The following MYPN variants were observed in gnomAD, a reference collection of about 807,000 sequenced individuals.
MYPN encodes the protein myopalladin, also known as sarcomeric protein myopalladin, 145 kDa (MYOP).
Under a neutral mutation model 129.4 loss-of-function variants are expected in MYPN, and 63 were observed. The observed-to-expected ratio is 0.49, with a 90% confidence interval of 0.40 to 0.60. The LOEUF (loss-of-function observed/expected upper bound fraction) is 0.60. Among genes scored for constraint, MYPN ranks in the 20% least tolerant of loss-of-function variants. MYPN has a pLI of 0.00. For missense variants in MYPN, 1,596 were observed against 1,635.4 expected, an observed-to-expected ratio of 0.98 and a Z score of 0.42; for synonymous variants, 629 against 600.9, an observed-to-expected ratio of 1.05 and a Z score of -0.68.
At chr10:68,088,385 C>A (rs556663501) in intron 1 of MYPN, among the ~76,000 whole-genome samples, 16 of 152,306 alleles carry the variant, frequency 1.1e-4, no homozygotes, top group African/African-American at 3.9e-4. Context: ...GGGCAACAGT[C>A]TGCTTTTTTC....
intron 5 of MYPN, 151 bp downstream of exon 5, chr10:68,148,618 G>C: frequency 1.3e-6 from 1 of 742,480 alleles, no homozygotes. Context: ...TGAGAGCAGT[G>C]GTTCCTGTTG....
chr10:68,134,732 T>A (rs1298691549), intron 2 of MYPN, among the ~76,000 whole-genome samples: 1 of 151,104 alleles, frequency 6.6e-6, no homozygotes, highest in Non-Finnish European at 1.5e-5. Context: ...GAGGTGGAGG[T>A]TGCAGTGAGC....
At chr10:68,157,061 A>G (rs910659600) in intron 6 of MYPN, among the ~76,000 whole-genome samples, 2 of 152,254 alleles carry the variant, frequency 1.3e-5, no homozygotes, top group Non-Finnish European at 2.9e-5. Flanking sequence ...CTAGCTGTGA[A>G]AAAATGTGCA....
At chr10:68,101,726 A>T (rs948436750), upstream of MYPN, among the ~76,000 whole-genome samples, 18 of 151,824 alleles carry the variant, frequency 1.2e-4, no homozygotes, top group Non-Finnish European at 2.2e-4. Context: ...TATTTACTCA[A>T]TTTTTTAAAA....
chr10:68,194,247 C>A, intron 13 of MYPN, 116 bp from the exon 14 acceptor site: 1 of 1,092,848 alleles, frequency 9.2e-7, no homozygotes, highest in Non-Finnish European at 1.3e-6. Context: ...TCAAGTGCTT[C>A]ATAAAGTATG....
intron 12 of MYPN, among the ~76,000 whole-genome samples, chr10:68,187,446 G>A (rs2043440215): frequency 6.6e-6 from 1 of 152,106 alleles, no homozygotes; most frequent in Admixed American, 6.6e-5. Context: ...AGTGCAGCCT[G>A]GAAATTTTTA....
chr10:68,172,504 A>G (rs2043158699), intron 10 of MYPN, among the ~76,000 whole-genome samples: 1 of 152,222 alleles, frequency 6.6e-6, no homozygotes, highest in Admixed American at 6.5e-5. Context: ...GACTTTATGC[A>G]TATATGATTT....
intron 12 of MYPN, among the ~76,000 whole-genome samples, chr10:68,180,869 A>G (rs1387388844): frequency 6.6e-6 from 1 of 152,236 alleles, no homozygotes. Context: ...GTGTCCCAGA[A>G]ATCAAATGTT....
At chr10:68,138,416 GTTTC>G (rs1399196581) in intron 2 of MYPN, among the ~76,000 whole-genome samples, 15 of 149,288 alleles carry the variant, frequency 1.0e-4, no homozygotes, top group African/African-American at 3.2e-4. Flanking sequence ...TTTCTTTCTT[GTTTC>G]TTTCTTTCTT....
chr10:68,106,027 C>G (rs190084086), upstream of MYPN: 66 of 384,862 alleles, frequency 1.7e-4, no homozygotes, highest in Middle Eastern at 1.7e-3. Flanking sequence ...GTCCCTGGAT[C>G]TGCAACGGAA....
At chr10:68,136,464 TC>T in intron 2 of MYPN, 1 of 1,067,036 alleles carries the variant, frequency 9.4e-7, no homozygotes, top group Non-Finnish European at 1.2e-6. Context: ...AGAGTATGGT[TC>T]CCCCTGACCC....
intron 1 of MYPN, among the ~76,000 whole-genome samples, chr10:68,097,622 G>A (rs2041962701): frequency 6.6e-6 from 1 of 152,070 alleles, no homozygotes; most frequent in Admixed American, 6.6e-5. Context: ...ACAGAGGTGA[G>A]AAAACTGAGA....
chr10:68,134,818 TA>T (rs1158077636), intron 2 of MYPN, among the ~76,000 whole-genome samples: 3 of 152,020 alleles, frequency 2.0e-5, no homozygotes, highest in African/African-American at 7.2e-5. Flanking sequence ...ATTAATTAAT[TA>T]AATTAAATTA....
intron 10 of MYPN, among the ~76,000 whole-genome samples, chr10:68,171,730 A>T (rs2043147827): frequency 2.0e-5 from 3 of 152,226 alleles, no homozygotes; most frequent in Admixed American, 2.0e-4. Context: ...ACTCAGAACT[A>T]GTTTTCCAAG....
At chr10:68,151,637 C>T (rs1266530214) in intron 6 of MYPN, among the ~76,000 whole-genome samples, 1 of 152,160 alleles carries the variant, frequency 6.6e-6, no homozygotes, top group East Asian at 1.9e-4. Context: ...GCCAGTTTGT[C>T]ACACCTTAGA....
At chr10:68,093,125 G>C (rs2133935983) in intron 1 of MYPN, among the ~76,000 whole-genome samples, 1 of 152,176 alleles carries the variant, frequency 6.6e-6, no homozygotes, top group Admixed American at 6.5e-5. Context: ...TGATCCTCCT[G>C]CCTTGGCCTC....
chr10:68,144,817 G>A (rs769384043), intron 3 of MYPN, among the ~76,000 whole-genome samples: 6 of 152,084 alleles, frequency 3.9e-5, no homozygotes, highest in Non-Finnish European at 2.9e-5. Context: ...GAGGATTTAC[G>A]AACACCAGAG....
chr10:68,114,002 T>C (rs1219720330), intron 1 of MYPN, among the ~76,000 whole-genome samples: 1 of 152,228 alleles, frequency 6.6e-6, no homozygotes, highest in Non-Finnish European at 1.5e-5. Flanking sequence ...TTATTCCTTC[T>C]CCTGTGTAAC....
Position 68,122,338 on chromosome 10 carries a change from A to G in MYPN, c.900A>G (p.Val300=). The G allele has an allele frequency of 1.2e-6, 2 of 1,613,146 alleles. No homozygotes were observed. The highest frequency in any genetic ancestry group is 1.1e-5 in the South Asian group (1 of 91,050). ...TGGTAGGAATTCCACCACCTCAAGT[A>G]AGGTAAAAATGTCCCATTGGTAATG... ...CIVVGIPPPQ[V]RWYCEGKELE... The change falls in exon 2 of 20, where the codon GTA becomes GTG. Residue 300 remains valine (V), a splice_region_variant and synonymous_variant. Coordinates refer to ENST00000358913, the MANE Select transcript of MYPN (RefSeq NM_032578.4).
Sources: gnomAD v4.1 joint callset for allele counts (sites outside exome capture counted in the v4.1 genomes callset) on GRCh38, gnomAD v4.1.1 for gene constraint, MANE v1.5 for transcripts, NCBI Gene and HGNC (gene_info 2026-07-23, HGNC 2026-07-21) for gene names.